The following PAPPA2 variants were observed in gnomAD, a reference collection of about 807,000 sequenced individuals.
The protein encoded by PAPPA2 is pappalysin 2, also known as pappalysin-2.
PAPPA2 carries 86 observed loss-of-function variants against 176.4 expected under a neutral mutation model. That is an observed-to-expected ratio of 0.49 (90% confidence interval 0.41 to 0.58). The LOEUF is 0.58. Ranked by LOEUF, PAPPA2 falls within the 20% of genes least tolerant of loss-of-function variation. PAPPA2 has a pLI of 0.00. For synonymous variants in PAPPA2, 809 were observed against 852.2 expected, an observed-to-expected ratio of 0.95 and a Z score of 0.88; for missense variants, 2,073 against 2,256.9, an observed-to-expected ratio of 0.92 and a Z score of 1.65.
At chr1:176,670,501 T>A (rs1227682945) in intron 3 of PAPPA2, among the ~76,000 whole-genome samples, 2 of 152,230 alleles carry the variant, frequency 1.3e-5, no homozygotes, top group Non-Finnish European at 1.5e-5. Flanking sequence ...TATTTCCTTT[T>A]TTCTTTTAAA....
chr1:176,568,878 G>A (rs1558442944), intron 2 of PAPPA2, among the ~76,000 whole-genome samples: 1 of 152,126 alleles, frequency 6.6e-6, no homozygotes, highest in East Asian at 1.9e-4. Flanking sequence ...GCAACCAAGA[G>A]GAGCATTTTC....
chr1:176,562,728 AC>A (rs2102600302), intron 2 of PAPPA2, among the ~76,000 whole-genome samples: 1 of 152,326 alleles, frequency 6.6e-6, no homozygotes, highest in South Asian at 2.1e-4. Flanking sequence ...TACGAGTTGC[AC>A]GAGTTGACTT....
chr1:176,783,263 C>T (rs10913249), intron 17 of PAPPA2, among the ~76,000 whole-genome samples: 61,916 of 151,990 alleles, frequency 0.41, 14,052 homozygotes, highest in African/African-American at 0.6. Context: ...GTTATTATTC[C>T]TGAGGGAGTA....
intron 3 of PAPPA2, among the ~76,000 whole-genome samples, chr1:176,662,068 G>C (rs1658387939): frequency 6.6e-6 from 1 of 152,038 alleles, no homozygotes; most frequent in Admixed American, 6.6e-5. Flanking sequence ...TTCATTGCCA[G>C]GGTCTAGCAC....
At chr1:176,512,058 A>T (rs965940110) in intron 1 of PAPPA2, among the ~76,000 whole-genome samples, 2 of 152,140 alleles carry the variant, frequency 1.3e-5, no homozygotes, top group African/African-American at 4.8e-5. Flanking sequence ...TGATAAAAAG[A>T]ATAAAAAGGA....
chr1:176,815,570 AG>A (rs1666340498), intron 21 of PAPPA2, among the ~76,000 whole-genome samples: 1 of 152,216 alleles, frequency 6.6e-6, no homozygotes, highest in African/African-American at 2.4e-5. Context: ...TATCTGAGAC[AG>A]GTCTCAATCA....
At chr1:176,775,544 A>G (rs1225293642) in intron 17 of PAPPA2, among the ~76,000 whole-genome samples, 1 of 152,188 alleles carries the variant, frequency 6.6e-6, no homozygotes, top group Non-Finnish European at 1.5e-5. Context: ...ATGCAAGTTA[A>G]TGGTAACAGA....
intron 3 of PAPPA2, among the ~76,000 whole-genome samples, chr1:176,604,371 A>G (rs746881909): frequency 2.6e-5 from 4 of 152,250 alleles, no homozygotes; most frequent in Non-Finnish European, 4.4e-5. Context: ...CGACTCTCAT[A>G]CTATAACACC....
chr1:176,556,251 C>T lies in PAPPA2; in HGVS notation c.-72C>T. 1.3e-6 allele frequency: 2 copies of T among 1,494,710 alleles called. No individual in the cohort carries two copies. The highest frequency in any genetic ancestry group is 1.8e-6 in the Non-Finnish European group (2 of 1,110,292). 92.6% of individuals were successfully genotyped at this position (1,494,710 alleles called of 1,614,324 possible). ...CAAATCCATTGCTAGCTGCCTCTTTCTCGTCTGCCCATCACTCTGGTGTGG... is the reference window on the plus strand; with the variant it reads ...CAAATCCATTGCTAGCTGCCTCTTTTTCGTCTGCCCATCACTCTGGTGTGG... On this transcript the variant is annotated 5_prime_UTR_variant, in exon 2 of 23. Coordinates refer to ENST00000367662, the MANE Select transcript of PAPPA2 (RefSeq NM_020318.3).
intron 9 of PAPPA2, 145 bp downstream of exon 9, chr1:176,702,880 C>T: frequency 8.8e-7 from 1 of 1,142,556 alleles, no homozygotes; most frequent in Non-Finnish European, 1.2e-6. Context: ...ATGTAGGGAG[C>T]AAGGCACCAT....
At chr1:176,763,386 G>A (rs1159764940) in intron 14 of PAPPA2, among the ~76,000 whole-genome samples, 1 of 152,218 alleles carries the variant, frequency 6.6e-6, no homozygotes, top group Non-Finnish European at 1.5e-5. Context: ...TAAGTGCTCA[G>A]TAAATGCTTA....
intron 9 of PAPPA2, 32 bp downstream of exon 9, chr1:176,702,767 G>T: frequency 6.3e-7 from 1 of 1,576,460 alleles, no homozygotes; most frequent in Non-Finnish European, 8.6e-7. Context: ...GTGTGTGTGT[G>T]TGTGTGTGTG....
At chr1:176,639,925 C>T (rs1400501661) in intron 3 of PAPPA2, among the ~76,000 whole-genome samples, 2 of 151,268 alleles carry the variant, frequency 1.3e-5, no homozygotes, top group Non-Finnish European at 2.9e-5. Flanking sequence ...TTTTTGTTCT[C>T]ATTTTTTACA....
chr1:176,709,147 T>C (rs904155369), intron 10 of PAPPA2, among the ~76,000 whole-genome samples: 1 of 152,172 alleles, frequency 6.6e-6, no homozygotes, highest in Non-Finnish European at 1.5e-5. Flanking sequence ...ACTAGCTGGC[T>C]TTACAACGCC....
chr1:176,620,713 A>G (rs1655545206), intron 3 of PAPPA2, among the ~76,000 whole-genome samples: 1 of 152,228 alleles, frequency 6.6e-6, no homozygotes, highest in African/African-American at 2.4e-5. Flanking sequence ...CTCACCAGAT[A>G]ATAGTTATCT....
chr1:176,490,599 T>G (rs1224568434), intron 1 of PAPPA2, among the ~76,000 whole-genome samples: 1 of 152,204 alleles, frequency 6.6e-6, no homozygotes, highest in Admixed American at 6.5e-5. Context: ...ATATTTCATG[T>G]GTGTTCATCT....
intron 12 of PAPPA2, among the ~76,000 whole-genome samples, chr1:176,716,454 C>T (rs1661376722): frequency 6.6e-6 from 1 of 151,374 alleles, no homozygotes; most frequent in South Asian, 2.1e-4. Flanking sequence ...CCACATTAGT[C>T]AGGCTGGTCT....
intron 19 of PAPPA2, 126 bp from the exon 20 acceptor site, chr1:176,793,434 C>T (rs1030913642): frequency 1.2e-4 from 89 of 748,644 alleles, no homozygotes; most frequent in Non-Finnish European, 1.5e-4. Flanking sequence ...CTGCCTACAA[C>T]GTCATAATAT....
intron 4 of PAPPA2, among the ~76,000 whole-genome samples, chr1:176,672,858 C>T (rs115327550): frequency 0.011 from 1,704 of 152,216 alleles, 11 homozygotes; most frequent in Admixed American, 0.019. Flanking sequence ...ATTTTTAGTT[C>T]TCAGTACATG....
Sources: allele counts gnomAD v4.1 joint callset (sites outside exome capture counted in the v4.1 genomes callset), GRCh38; gene constraint gnomAD v4.1.1; transcripts MANE v1.5; gene names NCBI Gene and HGNC (gene_info 2026-07-23, HGNC 2026-07-21).